The following NVL variants were observed in gnomAD, a reference collection of about 807,000 sequenced individuals.
NVL encodes the protein nuclear VCP like, also known as nuclear valosin-containing protein-like.
Under a neutral mutation model 110.2 loss-of-function variants are expected in NVL, and 84 were observed. That is an observed-to-expected ratio of 0.76 (90% CI 0.64 to 0.91). NVL has a LOEUF of 0.91. Among genes scored for constraint, NVL ranks in the 40% least tolerant of loss-of-function variants. The probability of loss-of-function intolerance (pLI) is 0.00; values close to 1 mark genes in which losing one functional copy is unlikely to be tolerated. For missense variants in NVL, 882 were observed against 1,035.9 expected, an observed-to-expected ratio of 0.85 and a Z score of 2.04; for synonymous variants, 354 against 361.1, an observed-to-expected ratio of 0.98 and a Z score of 0.22.
At position 224,330,122 on chromosome 1, in the gene NVL, C is replaced by T; in HGVS notation, c.6G>A (p.Lys2=). 2.5e-6 allele frequency: 4 copies of T among 1,614,064 alleles called. No individual in the cohort carries two copies. The highest frequency in any genetic ancestry group is 3.4e-6 in the Non-Finnish European group (4 of 1,179,940). ...TATCCACGAACCCTGCAGGTCTGGGCTTCATCGCGTCGGTCTTCCAAGCCA... is the reference window on the plus strand; with the variant it reads ...TATCCACGAACCCTGCAGGTCTGGGTTTCATCGCGTCGGTCTTCCAAGCCA... M[K]PRPAGFVDNK... The change falls in exon 1 of 23, where the codon AAG becomes AAA. Residue 2 remains lysine, a synonymous_variant. Transcript: ENST00000281701.
intron 21 of NVL, among the ~76,000 whole-genome samples, chr1:224,232,428 G>T (rs746712499): frequency 6.6e-6 from 1 of 152,096 alleles, no homozygotes; most frequent in Non-Finnish European, 1.5e-5. Flanking sequence ...TCAGGCTGGA[G>T]TGCAGTGGTG....
At chr1:224,262,150 C>G (rs533875391) in intron 18 of NVL, among the ~76,000 whole-genome samples, 23 of 151,838 alleles carry the variant, frequency 1.5e-4, no homozygotes, top group African/African-American at 5.1e-4. Flanking sequence ...GAGATCAGTC[C>G]AGGAGGGTTT....
intron 2 of NVL, among the ~76,000 whole-genome samples, chr1:224,318,896 A>G (rs1360926507): frequency 1.3e-5 from 2 of 151,662 alleles, no homozygotes; most frequent in Admixed American, 6.6e-5. Context: ...GCCTGAGGCA[A>G]CAGAATGGCG....
chr1:224,322,765 G>A (rs1422958290), intron 2 of NVL, among the ~76,000 whole-genome samples: 1 of 152,094 alleles, frequency 6.6e-6, no homozygotes, highest in Non-Finnish European at 1.5e-5. Context: ...ACCAGCCTGG[G>A]CAACACAGTG....
rs140572153 is a variant in NVL, at chr1:224,303,318, C to T, written c.960+405G>A. On this transcript the variant is annotated intron_variant, in intron 9 of 22. Transcript: ENST00000281701. ...GGCGTGGTGGCGTATGCCTGTAGTCCCAGCTACTGGGGAGGCTGAGGCAGG... is the reference window on the plus strand; with the variant it reads ...GGCGTGGTGGCGTATGCCTGTAGTCTCAGCTACTGGGGAGGCTGAGGCAGG... Among the ~76,000 whole-genome samples the T allele has an allele frequency of 3.8e-3, 577 of 151,920 alleles. 3 individuals are homozygous for T. The highest frequency in any genetic ancestry group is 0.013 in the African/African-American group (543 of 41,406).
At position 224,303,427 on chromosome 1, in the gene NVL, T is replaced by C. The variant is rs554827610; in HGVS notation, c.960+296A>G. ...TCCAGCCTGGGTGACAGAGTGAGACTCTGTCTCCAAAAAAAAAAAAACTGT... is the reference window on the plus strand; with the variant it reads ...TCCAGCCTGGGTGACAGAGTGAGACCCTGTCTCCAAAAAAAAAAAAACTGT... On this transcript the variant is annotated intron_variant, in intron 9 of 22. Coordinates refer to ENST00000281701, the MANE Select transcript of NVL (RefSeq NM_002533.4). 2.7e-5 allele frequency among the ~76,000 whole-genome samples: 4 copies of C among 150,192 alleles called. No homozygotes were observed. The East Asian group carries it at 7.8e-4, about 29-fold the overall frequency.
intron 5 of NVL, 107 bp from the exon 6 acceptor site, chr1:224,308,370 T>C: frequency 1.0e-6 from 1 of 964,946 alleles, no homozygotes. Flanking sequence ...TTTTAACAAC[T>C]TCTCTCAGAA....
intron 22 of NVL, among the ~76,000 whole-genome samples, chr1:224,230,961 G>A (rs1029670256): frequency 3.3e-5 from 5 of 151,868 alleles, no homozygotes; most frequent in East Asian, 3.9e-4. Flanking sequence ...GTGAAACCCC[G>A]TCTCTACTAA....
At chr1:224,281,580 G>A (rs1029092783) in intron 15 of NVL, among the ~76,000 whole-genome samples, 3 of 151,614 alleles carry the variant, frequency 2.0e-5, no homozygotes, top group Admixed American at 6.6e-5. Context: ...GATTACAGGC[G>A]TGAGCTACTG....
chr1:224,301,924 C>G (rs906349173), intron 9 of NVL, among the ~76,000 whole-genome samples: 15 of 151,442 alleles, frequency 9.9e-5, no homozygotes, highest in African/African-American at 3.4e-4. Flanking sequence ...GGAATCCTAA[C>G]ATACCACATA....
Position 224,308,265 on chromosome 1 carries a change from T to A in NVL, c.343-2A>T, listed in dbSNP as rs945304419. ...GGAACTGTTCATGTGATTTGCTGAC[T>A]GGCAGAAAGATAAAACAAAATTGTA... On this transcript the variant is annotated splice_acceptor_variant, in intron 5 of 22. Coordinates refer to ENST00000281701, the MANE Select transcript of NVL (RefSeq NM_002533.4). LOFTEE classifies it high-confidence loss of function. The A allele has an allele frequency of 6.3e-7, 1 of 1,591,022 alleles. No homozygotes were observed. The highest frequency in any genetic ancestry group is 8.5e-7 in the Non-Finnish European group (1 of 1,170,830).
chr1:224,268,250 T>G (rs1664695918), intron 17 of NVL, 117 bp from the exon 18 acceptor site: 1 of 732,442 alleles, frequency 1.4e-6, no homozygotes, highest in Non-Finnish European at 2.3e-6. Flanking sequence ...GATAATTTTC[T>G]GAGGCGTCAC....
At position 224,255,182 on chromosome 1, in the gene NVL, G is replaced by GTTTTTTTT. The variant is rs34120278; in HGVS notation, c.2183-4872_2183-4865dup. On this transcript the variant is annotated intron_variant, in intron 18 of 22. Transcript: ENST00000281701. ...ATGTGCCTGGCCCAAAATGGTGTAG[G>GTTTTTTTT]TTTTTTTTTTTTTTTTTTTTTTCCT... Among the ~76,000 whole-genome samples the GTTTTTTTT allele has an allele frequency of 5.2e-5, 5 of 96,712 alleles. 1 individual carries two copies. The highest frequency in any genetic ancestry group is 1.5e-4 in the Admixed American group (1 of 6,454). 63.4% of individuals were successfully genotyped at this position (96,712 alleles called of 152,430 possible). A position where few individuals can be genotyped will look rare whatever the true frequency, so the allele number is the denominator to read the frequency against.
At chr1:224,324,474 G>A (rs1670945970) in intron 2 of NVL, among the ~76,000 whole-genome samples, 1 of 152,080 alleles carries the variant, frequency 6.6e-6, no homozygotes, top group South Asian at 2.1e-4. Flanking sequence ...CTGTTACCCA[G>A]CTGGAGTGCA....
At chr1:224,240,642 G>A (rs1470933147) in intron 19 of NVL, among the ~76,000 whole-genome samples, 1 of 152,100 alleles carries the variant, frequency 6.6e-6, no homozygotes, top group Admixed American at 6.6e-5. Context: ...AAATAAATGA[G>A]GTGGGGTATG....
At chr1:224,302,209 CT>C (rs553239807) in intron 9 of NVL, among the ~76,000 whole-genome samples, 11 of 148,060 alleles carry the variant, frequency 7.4e-5, no homozygotes, top group Admixed American at 1.4e-4. Context: ...TTTCTTTTTT[CT>C]TTTTTTTTTG....
At chr1:224,235,393 T>G (rs1164305193) in intron 20 of NVL, among the ~76,000 whole-genome samples, 2 of 151,984 alleles carry the variant, frequency 1.3e-5, no homozygotes. Flanking sequence ...GTCTCAAATT[T>G]CTGACCTCAA....
chr1:224,230,861 C>T (rs943854341), intron 22 of NVL, among the ~76,000 whole-genome samples: 5 of 152,080 alleles, frequency 3.3e-5, no homozygotes, highest in African/African-American at 7.2e-5. Flanking sequence ...CAGCCGGGCG[C>T]GGTGGCTCAC....
intron 18 of NVL, among the ~76,000 whole-genome samples, chr1:224,256,586 A>G (rs1156734904): frequency 6.6e-6 from 1 of 152,082 alleles, no homozygotes; most frequent in Non-Finnish European, 1.5e-5. Context: ...CAAATATCAC[A>G]CTTAATATTA....
Sources: gnomAD v4.1 joint callset for allele counts (sites outside exome capture counted in the v4.1 genomes callset) on GRCh38, gnomAD v4.1.1 for gene constraint, MANE v1.5 for transcripts, NCBI Gene and HGNC (gene_info 2026-07-23, HGNC 2026-07-21) for gene names.